KIAA1328: variants seen among roughly 807,000 people sequenced by gnomAD.
The protein encoded by KIAA1328 is protein hinderin.
In KIAA1328, 52 loss-of-function variants were observed where a neutral mutation model predicts 68.1. The observed-to-expected ratio is 0.76, with a 90% CI of 0.61 to 0.96. The LOEUF is 0.96. Ranked by LOEUF, KIAA1328 falls within the 40% of genes least tolerant of loss-of-function variation. The pLI is 0.00. For synonymous variants in KIAA1328, 232 were observed against 239.4 expected (o/e 0.97, Z 0.28); for missense variants, 641 against 677.6 (o/e 0.95, Z 0.60).
intron 7 of KIAA1328, among the ~76,000 whole-genome samples, chr18:37,070,586 T>A (rs528139329): frequency 5.9e-5 from 9 of 152,010 alleles, no homozygotes; most frequent in African/African-American, 2.2e-4. Flanking sequence ...ATTTTTTTTT[T>A]TTTTTTGAGA....
At chr18:36,868,064 C>G (rs2047816283) in intron 4 of KIAA1328, among the ~76,000 whole-genome samples, 1 of 152,124 alleles carries the variant, frequency 6.6e-6, no homozygotes, top group African/African-American at 2.4e-5. Context: ...TGTATATGCT[C>G]AGGAAACTTT....
intron 7 of KIAA1328, among the ~76,000 whole-genome samples, chr18:37,146,744 T>TAC (rs1348143508): frequency 2.6e-5 from 4 of 152,218 alleles, no homozygotes; most frequent in Admixed American, 2.0e-4. Flanking sequence ...TACTACAGTC[T>TAC]ACATAGTGTT....
At chr18:36,988,733 T>G (rs1239318168) in intron 6 of KIAA1328, among the ~76,000 whole-genome samples, 1 of 152,140 alleles carries the variant, frequency 6.6e-6, no homozygotes, top group African/African-American at 2.4e-5. Context: ...GTAAGAAAAA[T>G]AGGTTAATCT....
chr18:36,940,171 C>T (rs1348001844), intron 5 of KIAA1328, among the ~76,000 whole-genome samples: 1 of 152,150 alleles, frequency 6.6e-6, no homozygotes, highest in East Asian at 1.9e-4. Context: ...GCAAGATGGG[C>T]AGAAATGGAA....
At chr18:37,010,396 T>C (rs1182183699) in intron 6 of KIAA1328, among the ~76,000 whole-genome samples, 1 of 136,694 alleles carries the variant, frequency 7.3e-6, no homozygotes, top group South Asian at 2.3e-4. Flanking sequence ...TGAGCCGAGA[T>C]TGTGACACTG....
At chr18:36,913,178 C>G (rs757457188) in intron 5 of KIAA1328, among the ~76,000 whole-genome samples, 14 of 151,708 alleles carry the variant, frequency 9.2e-5, no homozygotes, top group Non-Finnish European at 1.5e-4. Context: ...CTTCTCTTTC[C>G]CCCTTTCAAT....
chr18:37,102,634 G>A (rs1490038115), intron 7 of KIAA1328, among the ~76,000 whole-genome samples: 1 of 152,046 alleles, frequency 6.6e-6, no homozygotes, highest in Non-Finnish European at 1.5e-5. Context: ...CACCAAATGG[G>A]GAAAAGCTGA....
At chr18:36,934,694 A>AT (rs1332869128) in intron 5 of KIAA1328, among the ~76,000 whole-genome samples, 2 of 151,188 alleles carry the variant, frequency 1.3e-5, no homozygotes, top group Non-Finnish European at 3.0e-5. Flanking sequence ...TCTCCTCTAA[A>AT]TTTTTTTTTA....
chr18:36,913,631 C>T (rs1310868546), intron 5 of KIAA1328, among the ~76,000 whole-genome samples: 1 of 151,528 alleles, frequency 6.6e-6, no homozygotes, highest in East Asian at 1.9e-4. Context: ...GTTATTGATC[C>T]TTGTAGCCAA....
At chr18:37,168,884 T>C (rs2059440870) in intron 8 of KIAA1328, among the ~76,000 whole-genome samples, 1 of 152,086 alleles carries the variant, frequency 6.6e-6, no homozygotes, top group African/African-American at 2.4e-5. Context: ...GGCTCAGCCG[T>C]TTAAAAAATA....
intron 9 of KIAA1328, among the ~76,000 whole-genome samples, chr18:37,212,348 T>A (rs1201911087): frequency 6.6e-6 from 1 of 152,218 alleles, no homozygotes; most frequent in African/African-American, 2.4e-5. Context: ...TTTACAGATT[T>A]TCATACCATA....
intron 7 of KIAA1328, among the ~76,000 whole-genome samples, chr18:37,071,057 C>CTTTT (rs58722044): frequency 4.6e-5 from 4 of 86,836 alleles, no homozygotes; most frequent in East Asian, 3.4e-4. Context: ...TTTTTTCTTC[C>CTTTT]TTTTTTTTTT....
At chr18:36,843,331 T>C (rs554920717) in intron 3 of KIAA1328, among the ~76,000 whole-genome samples, 27 of 152,314 alleles carry the variant, frequency 1.8e-4, no homozygotes, top group African/African-American at 5.8e-4. Flanking sequence ...CAGAATTCAC[T>C]TTAGGTGTTT....
At chr18:37,041,894 GTTTAT>G (rs1301941031) in intron 6 of KIAA1328, among the ~76,000 whole-genome samples, 1 of 151,716 alleles carries the variant, frequency 6.6e-6, no homozygotes, top group Middle Eastern at 3.2e-3. Flanking sequence ...TTTATGTTTT[GTTTAT>G]TTTATTTTTT....
intron 4 of KIAA1328, among the ~76,000 whole-genome samples, chr18:36,882,502 G>A (rs1225738627): frequency 6.6e-6 from 1 of 152,126 alleles, no homozygotes; most frequent in African/African-American, 2.4e-5. Flanking sequence ...GGACCACAAA[G>A]AAGCCATGCA....
At chr18:37,098,514 G>A (rs59618460) in intron 7 of KIAA1328, among the ~76,000 whole-genome samples, 4 of 151,960 alleles carry the variant, frequency 2.6e-5, no homozygotes, top group Admixed American at 6.6e-5. Flanking sequence ...ATGTTCATGA[G>A]GTATATTGGT....
chr18:36,955,560 G>T (rs1420860183), intron 5 of KIAA1328, among the ~76,000 whole-genome samples: 2 of 151,942 alleles, frequency 1.3e-5, no homozygotes, highest in Admixed American at 1.3e-4. Context: ...TGTCCACCTC[G>T]GCCTCCCAAA....
Position 37,223,026 on chromosome 18 carries a change from A to G in KIAA1328, c.*799A>G. The G allele has an allele frequency of 2.0e-6, 2 of 985,128 alleles. No homozygotes were observed. Among genetic ancestry groups the G allele is most frequent in the Non-Finnish European group, 2.4e-6 (2 of 830,024 alleles). 61.0% of individuals were successfully genotyped at this position (985,128 alleles called of 1,614,324 possible). A position where few individuals can be genotyped will look rare whatever the true frequency, so the allele number is the denominator to read the frequency against. On this transcript the variant is annotated 3_prime_UTR_variant, in exon 10 of 10. Transcript: ENST00000280020. The stretch of plus-strand genomic sequence containing the variant: ...GAACAATCCCTAGGTATTTTTATTT[A>G]CCCAAGTGTTCAGCTTATTCACCCC...
intron 7 of KIAA1328, among the ~76,000 whole-genome samples, chr18:37,121,174 CAT>C (rs1239954223): frequency 6.6e-6 from 1 of 152,014 alleles, no homozygotes; most frequent in African/African-American, 2.4e-5. Flanking sequence ...ACTAAATAAA[CAT>C]ATGTAAAGGA....
Sources: allele counts gnomAD v4.1 joint callset (sites outside exome capture counted in the v4.1 genomes callset), GRCh38; gene constraint gnomAD v4.1.1; transcripts MANE v1.5; gene names NCBI Gene and HGNC (gene_info 2026-07-23, HGNC 2026-07-21).